EIF4A1: variants seen among roughly 807,000 people sequenced by gnomAD.
EIF4A1 encodes eukaryotic initiation factor 4A-I.
A neutral mutation model predicts 53.5 loss-of-function variants in EIF4A1; 11 were observed. The ratio of observed to expected loss-of-function variants is 0.21; its 90% confidence interval spans 0.13 to 0.34. EIF4A1 has a LOEUF of 0.34. Ranked by LOEUF, EIF4A1 falls within the 10% of genes least tolerant of loss-of-function variation. The pLI, the probability that EIF4A1 is intolerant of heterozygous loss-of-function variation, is 1.00. For missense variants in EIF4A1, 213 were observed against 530.8 expected (o/e 0.40, Z 5.88); for synonymous variants, 237 against 186.7 (o/e 1.27, Z -2.20).
rs745487446 is a variant in EIF4A1, at chr17:7,576,923, G to GC, written c.515-132dup. 4 of 1,354,888 alleles carry GC rather than the reference G, an allele frequency of 3.0e-6. No homozygotes were observed. The South Asian group carries it at 4.7e-5, about 16-fold the overall frequency. The allele number at this position is 1,354,888 out of a possible 1,614,324, so 83.9% of individuals were successfully genotyped here. A position where few individuals can be genotyped will look rare whatever the true frequency, so the allele number is the denominator to read the frequency against. ...TGTCTGCCTGGCGGGAAGGTCCTGG[G>GC]CAAAGGATCAGTCTTTGTACTCTGA... On this transcript the variant is annotated intron_variant, in intron 5 of 10. Coordinates refer to ENST00000293831, the MANE Select transcript of EIF4A1 (RefSeq NM_001416.4).
At chr17:7,573,116 G>T (rs1364681915) in intron 1 of EIF4A1, 1 of 616,956 alleles carries the variant, frequency 1.6e-6, no homozygotes, top group Admixed American at 3.0e-5. Flanking sequence ...CCGAGGCGGT[G>T]CCATGCGCGA....
At position 7,577,727 on chromosome 17, in the gene EIF4A1, C is replaced by CCTGTTGTG. The variant is rs2071420462; in HGVS notation, c.906+22_906+29dup. ...CCATGGTGTGTTTGCCCGCTGCCAG[C>CCTGTTGTG]CTGTTGTGGGTCTGCCCGTCAGAAG... On this transcript the variant is annotated intron_variant, in intron 8 of 10. Coordinates refer to ENST00000293831, the MANE Select transcript of EIF4A1 (RefSeq NM_001416.4). This position sits in a 1 kb window ranked among gnomAD's most constrained non-coding sequence, Gnocchi z 4.7. The CCTGTTGTG allele has an allele frequency of 6.2e-7, 1 of 1,613,684 alleles. No individual in the cohort carries two copies. The highest frequency in any genetic ancestry group is 1.3e-5 in the African/African-American group (1 of 74,900).
intron 1 of EIF4A1, 87 bp from the exon 2 acceptor site, chr17:7,574,173 G>A: frequency 1.3e-6 from 2 of 1,502,932 alleles, no homozygotes; most frequent in East Asian, 2.3e-5. Context: ...ATGGCATCAT[G>A]CAGGCCACTC....
chr17:7,573,085 G>A lies in EIF4A1; in HGVS notation c.23+221G>A, dbSNP rs73242233. On this transcript the variant is annotated intron_variant, in intron 1 of 10. Transcript: ENST00000293831. ...AGCCCGGCTAGGGTCAGGCGTGCGAGGTCTGTTACGAGGCCTCGACCCGAG... is the reference window on the plus strand; with the variant it reads ...AGCCCGGCTAGGGTCAGGCGTGCGAAGTCTGTTACGAGGCCTCGACCCGAG... The A allele has an allele frequency of 2.1e-3, 1,492 of 695,474 alleles. 15 individuals are homozygous for A. In the African/African-American group the frequency reaches 0.024, roughly 11 times the overall value. 43.1% of individuals were successfully genotyped at this position (695,474 alleles called of 1,614,324 possible).
intron 5 of EIF4A1, 178 bp downstream of exon 5, chr17:7,576,870 C>T (rs1196749873): frequency 7.3e-7 from 1 of 1,363,546 alleles, no homozygotes; most frequent in East Asian, 2.3e-5. Context: ...CAGTGCAGCC[C>T]TGGCAGTGTC....
intron 5 of EIF4A1, 110 bp from the exon 6 acceptor site, chr17:7,576,946 T>C (rs564346006): frequency 2.9e-6 from 4 of 1,395,844 alleles, no homozygotes; most frequent in Admixed American, 1.7e-5. Flanking sequence ...CTTTGTACTC[T>C]GAGAGCAGAC....
At position 7,577,284 on chromosome 17, in the gene EIF4A1, G is replaced by A; in HGVS notation, c.625-60G>A. The A allele has an allele frequency of 1.3e-6, 2 of 1,599,050 alleles. No individual in the cohort carries two copies. Among genetic ancestry groups the A allele is most frequent in the Non-Finnish European group, 1.7e-6 (2 of 1,171,978 alleles). The stretch of plus-strand genomic sequence containing the variant: ...CTGCTTCAGTTTTAGGTGTGGCTAG[G>A]GAAGGGAGCAGGCCTCAGGAAGGAA... On this transcript the variant is annotated intron_variant, in intron 6 of 10. Transcript: ENST00000293831. The surrounding 1 kb of genome is among the most constrained non-coding windows in gnomAD (Gnocchi z 4.7).
rs2071431664 is a variant in EIF4A1 at position 7,578,333 on chromosome 17, G to C, written c.1077-9G>C. 3.7e-6 allele frequency: 6 copies of C among 1,612,556 alleles called. No individual in the cohort carries two copies. Among genetic ancestry groups the C allele is most frequent in the African/African-American group, 1.3e-5 (1 of 74,952 alleles). ...CCTGATATTCCTCATCCCCTTCCTT[G>C]TTTTCCAGAATCGGTCGAGGTGGAC... On this transcript the variant is annotated splice_polypyrimidine_tract_variant and intron_variant, in intron 10 of 10. Transcript: ENST00000293831.
rs1457825754 is a variant in EIF4A1 at position 7,574,476 on chromosome 17, T to G, written c.73-70T>G. The G allele has an allele frequency of 3.1e-6, 5 of 1,605,054 alleles. No homozygotes were observed. In the African/African-American group the frequency reaches 5.4e-5, roughly 17 times the overall value. ...TTTTGTTAGTAGGCACCAGATTCTG[T>G]TTGCTCGGAGACTACAGCTCAGCTC... On this transcript the variant is annotated intron_variant, in intron 2 of 10. Coordinates refer to ENST00000293831, the MANE Select transcript of EIF4A1 (RefSeq NM_001416.4).
intron 3 of EIF4A1, 191 bp downstream of exon 3, chr17:7,574,869 T>C (rs753180127): frequency 9.0e-6 from 10 of 1,115,404 alleles, no homozygotes; most frequent in Non-Finnish European, 1.4e-5. Context: ...AGAGGTGGTA[T>C]TGTAGCCAGC....
chr17:7,575,543 T>G (rs2071388957), intron 4 of EIF4A1: 7 of 508,622 alleles, frequency 1.4e-5, no homozygotes, highest in Non-Finnish European at 2.5e-5. Flanking sequence ...GGCTAAGAGA[T>G]CCCTTGGTGT....
intron 1 of EIF4A1, chr17:7,573,697 T>C (rs1392950788): frequency 6.4e-6 from 1 of 155,764 alleles, no homozygotes; most frequent in Non-Finnish European, 1.4e-5. Context: ...TTCTAAGTGT[T>C]GTGCAATCTC....
rs1265854238 is a variant in EIF4A1 at position 7,578,637 on chromosome 17, G to A, written c.*151G>A. The A allele has an allele frequency of 1.2e-5, 11 of 955,304 alleles. No individual in the cohort carries two copies. Among genetic ancestry groups the A allele is most frequent in the African/African-American group, 3.4e-5 (2 of 59,484 alleles). The allele number at this position is 955,304 out of a possible 1,614,324, so 59.2% of individuals were successfully genotyped here. A position where few individuals can be genotyped will look rare whatever the true frequency, so the allele number is the denominator to read the frequency against. On this transcript the variant is annotated 3_prime_UTR_variant, in exon 11 of 11. Transcript: ENST00000293831. ...ACTTTTTGAGGCAAAAGAAGGAACC[G>A]TGAACATTTTAGACACCCTTTTCTT...
rs2071440518 is a variant in EIF4A1 at position 7,578,893 on chromosome 17, G to A, written c.*407G>A. 1 of 163,964 alleles carries A rather than the reference G, an allele frequency of 6.1e-6. No individual in the cohort carries two copies. Among genetic ancestry groups the A allele is most frequent in the Non-Finnish European group, 1.3e-5 (1 of 75,624 alleles). The allele number at this position is 163,964 out of a possible 1,614,324, so 10.2% of individuals were successfully genotyped here. A position where few individuals can be genotyped will look rare whatever the true frequency, so the allele number is the denominator to read the frequency against. On this transcript the variant is annotated 3_prime_UTR_variant, in exon 11 of 11. Coordinates refer to ENST00000293831, the MANE Select transcript of EIF4A1 (RefSeq NM_001416.4). Reference sequence around the variant, plus strand: ...GAGGTTGCCCAGGGGGTTGTCCCCAGGTGGGGGGAAGCAGGGGAGAGAAAA... The same window carrying A: ...GAGGTTGCCCAGGGGGTTGTCCCCAAGTGGGGGGAAGCAGGGGAGAGAAAA...
intron 5 of EIF4A1, 41 bp downstream of exon 5, chr17:7,576,733 C>G (rs913573103): frequency 1.3e-6 from 2 of 1,570,026 alleles, no homozygotes; most frequent in African/African-American, 1.4e-5. Context: ...TCACTTTGCT[C>G]TTGTGCACGC....
chr17:7,572,932 G>C, intron 1 of EIF4A1, 68 bp downstream of exon 1: 7 of 1,613,688 alleles, frequency 4.3e-6, no homozygotes, highest in Non-Finnish European at 5.9e-6. Flanking sequence ...GGCCCGCCGG[G>C]GGTAGCTGAG....
Position 7,577,941 on chromosome 17 carries a change from AG to A in EIF4A1, c.996+27del. On this transcript the variant is annotated intron_variant, in intron 9 of 10. Coordinates refer to ENST00000293831, the MANE Select transcript of EIF4A1 (RefSeq NM_001416.4). This position sits in a 1 kb window ranked among gnomAD's most constrained non-coding sequence, Gnocchi z 4.7. ...GGTGAGTAGAGGGAACTGATAGCAA[AG>A]GCAGAAGGGAGGATCCAAGGTGATT... The A allele has an allele frequency of 2.5e-6, 4 of 1,613,884 alleles. No individual in the cohort carries two copies. The highest frequency in any genetic ancestry group is 3.4e-6 in the Non-Finnish European group (4 of 1,179,750).
chr17:7,572,991 C>T, intron 1 of EIF4A1, 127 bp downstream of exon 1: 1 of 1,556,110 alleles, frequency 6.4e-7, no homozygotes. Flanking sequence ...GGGGAGGGTC[C>T]GACTTGGAGG....
chr17:7,573,941 T>G, intron 1 of EIF4A1: 2 of 355,718 alleles, frequency 5.6e-6, no homozygotes, highest in South Asian at 7.6e-5. Context: ...TTTAAGCGGC[T>G]GGGTCGGGCC....
Sources: allele counts gnomAD v4.1 joint callset, GRCh38; gene constraint gnomAD v4.1.1; non-coding constraint Gnocchi (gnomAD v3.1); transcripts MANE v1.5; gene names NCBI Gene and HGNC (gene_info 2026-07-23, HGNC 2026-07-21).